SYTL2: variants seen among roughly 807,000 people sequenced by gnomAD.
SYTL2 encodes the protein synaptotagmin like 2, also known as synaptotagmin-like protein 2.
In SYTL2, 165 loss-of-function variants were observed where a neutral mutation model predicts 198.7. The ratio of observed to expected loss-of-function variants is 0.83; its 90% CI spans 0.73 to 0.94. The LOEUF (loss-of-function observed/expected upper bound fraction) is 0.94. Among genes scored for constraint, SYTL2 ranks in the 40% least tolerant of loss-of-function variants. The pLI is 0.00. For synonymous variants in SYTL2, 966 were observed against 917.7 expected (o/e 1.05, Z -0.95); for missense variants, 2,835 against 2,582.8 (o/e 1.10, Z -2.12).
At chr11:85,789,281 G>A (rs201089610) in intron 1 of SYTL2, among the ~76,000 whole-genome samples, 6,031 of 130,200 alleles carry the variant, frequency 0.046, 512 homozygotes, top group African/African-American at 0.16. Context: ...GTGTGTGTGT[G>A]TATATATATA....
chr11:85,820,233 C>T, the SYTL2 span, among the ~76,000 whole-genome samples: 251 of 152,252 alleles, frequency 1.6e-3, 2 homozygotes, highest in African/African-American at 5.9e-3. Flanking sequence ...ATTGTAAATA[C>T]TAAATTTTTA....
At chr11:85,794,332 T>C (rs1327315803) in intron 1 of SYTL2, among the ~76,000 whole-genome samples, 2 of 151,938 alleles carry the variant, frequency 1.3e-5, no homozygotes, top group Admixed American at 6.6e-5. Context: ...GCACATGCCA[T>C]TACATCCAGC....
At chr11:85,718,582 C>T (rs1310108692) in intron 10 of SYTL2, 1 of 582,816 alleles carries the variant, frequency 1.7e-6, no homozygotes, top group Non-Finnish European at 3.1e-6. Context: ...ATGAGATCCT[C>T]ATGACAGTAT....
At chr11:85,766,359 G>C (rs556636199) in intron 1 of SYTL2, among the ~76,000 whole-genome samples, 11 of 152,210 alleles carry the variant, frequency 7.2e-5, no homozygotes, top group Non-Finnish European at 1.6e-4. Context: ...GCAGCTGAAA[G>C]TTCATTTTAA....
chr11:85,742,030 G>A (rs193197072), intron 4 of SYTL2, among the ~76,000 whole-genome samples: 30 of 152,158 alleles, frequency 2.0e-4, no homozygotes, highest in African/African-American at 7.0e-4. Flanking sequence ...GCCATGGACT[G>A]AAATACAACA....
chr11:85,697,789 T>C (rs290173), intron 18 of SYTL2, among the ~76,000 whole-genome samples, 190 bp downstream of exon 18: 87,274 of 152,082 alleles, frequency 0.57, 25,665 homozygotes, highest in Middle Eastern at 0.65. Flanking sequence ...CCTCTTACTT[T>C]ATGATTTTAA....
chr11:85,784,375 A>G (rs564735856), intron 1 of SYTL2, among the ~76,000 whole-genome samples: 1 of 152,334 alleles, frequency 6.6e-6, no homozygotes, highest in Non-Finnish European at 1.5e-5. Context: ...AATAGAAAAA[A>G]AAAAAATTAT....
the SYTL2 span, among the ~76,000 whole-genome samples, chr11:85,843,493 T>C: frequency 6.6e-6 from 1 of 151,978 alleles, no homozygotes; most frequent in Non-Finnish European, 1.5e-5. Context: ...AGGGGCAAAT[T>C]GGAGGGGGTG....
chr11:85,820,711 C>G, the SYTL2 span, among the ~76,000 whole-genome samples: 1 of 152,162 alleles, frequency 6.6e-6, no homozygotes, highest in African/African-American at 2.4e-5. Flanking sequence ...TTGATAAATA[C>G]TGATGTGTAT....
At chr11:85,802,798 G>T (rs12362853) in intron 1 of SYTL2, among the ~76,000 whole-genome samples, 61,821 of 152,050 alleles carry the variant, frequency 0.41, 13,685 homozygotes, top group African/African-American at 0.58. Flanking sequence ...TGCAATTTTT[G>T]CAGAAAAGGA....
chr11:85,717,595 G>T, intron 10 of SYTL2, 65 bp from the exon 11 acceptor site: 12 of 1,364,316 alleles, frequency 8.8e-6, no homozygotes, highest in Non-Finnish European at 1.3e-5. Context: ...AGACATGAAA[G>T]TAAAGCTCAA....
At position 85,696,187 on chromosome 11, in the gene SYTL2, T is replaced by A. The variant is rs781095628; in HGVS notation, c.6570A>T (p.Gly2190=). The A allele has an allele frequency of 6.2e-7, 1 of 1,614,040 alleles. No individual in the cohort carries two copies. The highest frequency in any genetic ancestry group is 8.5e-7 in the Non-Finnish European group (1 of 1,179,902). The change falls in exon 19 of 20, where the codon GGA becomes GGT. Residue 2190 remains glycine (G), a synonymous_variant. Coordinates refer to ENST00000359152, the MANE Select transcript of SYTL2 (RefSeq NM_206927.4). ...TAAAAATGTAGCAAACAGTACCTGTTCCAAAGCCAATACGAAGACCTCCCA... is the reference window on the plus strand; with the variant it reads ...TAAAAATGTAGCAAACAGTACCTGTACCAAAGCCAATACGAAGACCTCCCA... ...QFLGGLRIGF[G]TGKSYGTEVD...
At chr11:85,710,611 CA>C (rs1406176863) in intron 13 of SYTL2, among the ~76,000 whole-genome samples, 1 of 152,176 alleles carries the variant, frequency 6.6e-6, no homozygotes, top group East Asian at 1.9e-4. Context: ...TCCCTTAAAT[CA>C]AATCTGAGTA....
Position 85,757,926 on chromosome 11 carries a change from G to A in SYTL2, c.-201C>T. 1 of 621,654 alleles carries A rather than the reference G, an allele frequency of 1.6e-6. No individual in the cohort carries two copies. Among genetic ancestry groups the A allele is most frequent in the Non-Finnish European group, 2.7e-6 (1 of 365,776 alleles). 38.5% of individuals were successfully genotyped at this position (621,654 alleles called of 1,614,324 possible). A position where few individuals can be genotyped will look rare whatever the true frequency, so the allele number is the denominator to read the frequency against. ...CCTAAGTGCTCTTTCCCATGAGGAA[G>A]TCCTGGTCTGTGGGATAGTGTCGAG... is the stretch of plus-strand genomic sequence containing the variant. On this transcript the variant is annotated 5_prime_UTR_variant, in exon 2 of 20. Transcript: ENST00000359152.
chr11:85,752,605 A>C (rs1262386949), intron 2 of SYTL2, among the ~76,000 whole-genome samples: 1 of 152,130 alleles, frequency 6.6e-6, no homozygotes, highest in African/African-American at 2.4e-5. Flanking sequence ...AAAACAAGAA[A>C]TATCCACCTT....
At chr11:85,721,048 A>AAG in intron 8 of SYTL2, 89 bp from the exon 9 acceptor site, 1 of 754,906 alleles carries the variant, frequency 1.3e-6, no homozygotes, top group South Asian at 1.7e-5. Flanking sequence ...GTAGGCTGAA[A>AAG]AGAGACATTA....
chr11:85,753,067 G>C (rs574724221), intron 2 of SYTL2, among the ~76,000 whole-genome samples: 1 of 151,752 alleles, frequency 6.6e-6, no homozygotes, highest in Non-Finnish European at 1.5e-5. Flanking sequence ...TGGGGGTGGG[G>C]GATGCAGTGC....
chr11:85,828,512 C>T, the SYTL2 span, among the ~76,000 whole-genome samples: 2 of 152,182 alleles, frequency 1.3e-5, no homozygotes, highest in African/African-American at 4.8e-5. Context: ...TAAGATAAGG[C>T]AGAAACTACA....
the SYTL2 span, among the ~76,000 whole-genome samples, chr11:85,829,056 TTTTTTTG>T: frequency 2.5e-3 from 378 of 151,382 alleles, 1 homozygote; most frequent in South Asian, 0.013. Context: ...TCTGTTTTTT[TTTTTTTG>T]TTTGTTTGTT....
Sources: gnomAD v4.1 joint callset for allele counts (sites outside exome capture counted in the v4.1 genomes callset) on GRCh38, gnomAD v4.1.1 for gene constraint, MANE v1.5 for transcripts, NCBI Gene and HGNC (gene_info 2026-07-23, HGNC 2026-07-21) for gene names.